Variants in TRAPPC9 observed in about 807,000 individuals in gnomAD.
The protein encoded by TRAPPC9 is IKK2 binding protein.
Under a neutral mutation model 124.0 loss-of-function variants are expected in TRAPPC9, and 83 were observed. That is an observed-to-expected ratio of 0.67 (90% CI 0.56 to 0.80). TRAPPC9 has a LOEUF of 0.80. Among genes scored for constraint, TRAPPC9 ranks in the 30% least tolerant of loss-of-function variants. The pLI, the probability that TRAPPC9 is intolerant of heterozygous loss-of-function variation, is 0.00. For missense variants in TRAPPC9, 1,302 were observed against 1,508.3 expected, an observed-to-expected ratio of 0.86 and a Z score of 2.27; for synonymous variants, 638 against 617.5, an observed-to-expected ratio of 1.03 and a Z score of -0.49.
At chr8:140,290,076 G>A (rs1042955938) in intron 12 of TRAPPC9, among the ~76,000 whole-genome samples, 1 of 152,064 alleles carries the variant, frequency 6.6e-6, no homozygotes, top group Admixed American at 6.6e-5. Flanking sequence ...GCAGACTCCC[G>A]TCCACAACAG....
chr8:139,792,416 G>A (rs751107488), intron 21 of TRAPPC9, among the ~76,000 whole-genome samples: 4 of 152,212 alleles, frequency 2.6e-5, no homozygotes, highest in Non-Finnish European at 5.9e-5. Flanking sequence ...GCGTGTGCGC[G>A]TGTGTGCGTG....
At chr8:140,314,584 T>G (rs1008606853) in intron 9 of TRAPPC9, among the ~76,000 whole-genome samples, 1 of 152,150 alleles carries the variant, frequency 6.6e-6, no homozygotes, top group Non-Finnish European at 1.5e-5. Flanking sequence ...CTGTCCATCC[T>G]CTCCCCATCT....
At chr8:139,747,607 A>G (rs1376707807) in intron 21 of TRAPPC9, among the ~76,000 whole-genome samples, 2 of 19,354 alleles carry the variant, frequency 1.0e-4, no homozygotes, top group Admixed American at 7.0e-4. Flanking sequence ...GCAGGTGGGG[A>G]GGTGTGCAGG....
intron 16 of TRAPPC9, among the ~76,000 whole-genome samples, chr8:140,251,646 C>A (rs1434306448): frequency 6.6e-6 from 1 of 152,170 alleles, no homozygotes; most frequent in Non-Finnish European, 1.5e-5. Context: ...GAAGGCCTAT[C>A]CCCCAGTGGG....
At position 139,910,405 on chromosome 8, in the gene TRAPPC9, T is replaced by G. The variant is rs1001210603; in HGVS notation, c.2811-105A>C. ...AGCGTGAGACACTATAATGAATCAT[T>G]ATCGTTAGTAATTCATAACGGATTC... On this transcript the variant is annotated intron_variant, in intron 19 of 22. Transcript: ENST00000438773. 3 of 1,152,694 alleles carry G rather than the reference T, an allele frequency of 2.6e-6. No homozygotes were observed. The African/African-American group carries it at 4.6e-5, about 18-fold the overall frequency. The allele number at this position is 1,152,694 out of a possible 1,614,324, so 71.4% of individuals were successfully genotyped here.
rs143635851 is a variant in TRAPPC9 at position 140,063,303 on chromosome 8, C to T, written c.2557-39224G>A. On this transcript the variant is annotated intron_variant, in intron 17 of 22. Coordinates refer to ENST00000438773, the MANE Select transcript of TRAPPC9 (RefSeq NM_001160372.4). The surrounding 1 kb of genome is among the most constrained non-coding windows in gnomAD (Gnocchi z 4.3). ...TTTTCAGTTACTCCTCTTTGGCCCA[C>T]GTGGCCTTCCGCTTCCTGTGCTCTC... 0.014 allele frequency among the ~76,000 whole-genome samples: 2,070 copies of T among 152,334 alleles called. 19 individuals are homozygous for T. The highest frequency in any genetic ancestry group is 0.02 in the Non-Finnish European group (1,345 of 68,038).
At chr8:140,055,329 C>T (rs1161191368) in intron 17 of TRAPPC9, among the ~76,000 whole-genome samples, 3 of 152,116 alleles carry the variant, frequency 2.0e-5, no homozygotes, top group Non-Finnish European at 4.4e-5. Flanking sequence ...CCTTTCATAA[C>T]AAAAACTCTC....
chr8:140,359,935 TG>T, intron 9 of TRAPPC9, 114 bp downstream of exon 9: 2 of 1,448,244 alleles, frequency 1.4e-6, no homozygotes, highest in Non-Finnish European at 1.9e-6. Context: ...GACGAAGAGC[TG>T]GGCAGCATCT....
Position 139,737,466 on chromosome 8 carries a change from T to TCC in TRAPPC9, c.3056-5266_3056-5265dup, listed in dbSNP as rs35297460. The stretch of plus-strand genomic sequence containing the variant: ...GCCTTCAGGCGGGGGTCATCAGCCC[T>TCC]CCCCCCCCCCCCACGGAAAACCCTG... On this transcript the variant is annotated intron_variant, in intron 21 of 22. Transcript: ENST00000438773. 7.3e-3 allele frequency among the ~76,000 whole-genome samples: 302 copies of TCC among 41,312 alleles called. 31 individuals carry two copies. The highest frequency in any genetic ancestry group is 0.021 in the African/African-American group (266 of 12,924). 27.1% of individuals were successfully genotyped at this position (41,312 alleles called of 152,430 possible). A position where few individuals can be genotyped will look rare whatever the true frequency, so the allele number is the denominator to read the frequency against.
intron 17 of TRAPPC9, among the ~76,000 whole-genome samples, chr8:140,065,927 TA>T (rs1842877425): frequency 6.6e-6 from 1 of 152,176 alleles, no homozygotes; most frequent in Non-Finnish European, 1.5e-5. Flanking sequence ...ATGTATTCTT[TA>T]AAAAATGCAT....
chr8:140,252,984 C>T lies in TRAPPC9; in HGVS notation c.2279-55G>A. On this transcript the variant is annotated intron_variant, in intron 15 of 22. Coordinates refer to ENST00000438773, the MANE Select transcript of TRAPPC9 (RefSeq NM_001160372.4). The surrounding 1 kb of genome is among the most constrained non-coding windows in gnomAD (Gnocchi z 4.2). Reference sequence around the variant, plus strand: ...ATGCTGTAACTGAGGCAGTATGGGACTTACCAATCCCCTAGAAAATTCTGA... The same window carrying T: ...ATGCTGTAACTGAGGCAGTATGGGATTTACCAATCCCCTAGAAAATTCTGA... 3 of 1,564,536 alleles carry T rather than the reference C, an allele frequency of 1.9e-6. No individual in the cohort carries two copies. Among genetic ancestry groups the T allele is most frequent in the Admixed American group, 1.7e-5 (1 of 59,232 alleles).
At chr8:140,289,174 A>AGT (rs71320349) in intron 12 of TRAPPC9, among the ~76,000 whole-genome samples, 10,495 of 148,252 alleles carry the variant, frequency 0.071, 459 homozygotes, top group Non-Finnish European at 0.099. Context: ...ATATATATAT[A>AGT]GTGTGTGTGT....
rs113405702 is a variant in TRAPPC9, at chr8:140,210,388, C to A, written c.2556+11071G>T. Among the ~76,000 whole-genome samples, 328 of 152,324 alleles carry A rather than the reference C, an allele frequency of 2.2e-3. 5 individuals are homozygous for A. The South Asian group carries it at 0.022, about 10-fold the overall frequency. ...GGCGCAGGGCCCAGCACCAAGTGAG[C>A]ATCGGAAAATGCTGGACAGGACACT... On this transcript the variant is annotated intron_variant, in intron 17 of 22. Coordinates refer to ENST00000438773, the MANE Select transcript of TRAPPC9 (RefSeq NM_001160372.4).
chr8:140,110,255 C>A (rs186195238), intron 17 of TRAPPC9, among the ~76,000 whole-genome samples: 11 of 134,824 alleles, frequency 8.2e-5, no homozygotes. Flanking sequence ...GCAGCTCCCC[C>A]CTGCACCCCC....
In TRAPPC9 at chr8:140,075,558, C is replaced by T. The variant is rs1815899267; in HGVS notation, c.2557-51479G>A. Among the ~76,000 whole-genome samples, 5 of 152,196 alleles carry T rather than the reference C, an allele frequency of 3.3e-5. No individual in the cohort carries two copies. The South Asian group carries it at 1.0e-3, about 31-fold the overall frequency. On this transcript the variant is annotated intron_variant, in intron 17 of 22. Coordinates refer to ENST00000438773, the MANE Select transcript of TRAPPC9 (RefSeq NM_001160372.4). Reference sequence around the variant, plus strand: ...AGCACCATGGAACTGCCTTCGCTGCCGCCATATAAGTAGCTAGCCAGTGTC... The same window carrying T: ...AGCACCATGGAACTGCCTTCGCTGCTGCCATATAAGTAGCTAGCCAGTGTC...
chr8:140,157,099 GC>G (rs1252284331), intron 17 of TRAPPC9, among the ~76,000 whole-genome samples: 1 of 112,786 alleles, frequency 8.9e-6, no homozygotes, highest in South Asian at 3.4e-4. Flanking sequence ...CCATTCAGAA[GC>G]CTCCCTTTCC....
chr8:140,044,704 A>T (rs887226171), intron 17 of TRAPPC9, among the ~76,000 whole-genome samples: 1 of 152,236 alleles, frequency 6.6e-6, no homozygotes, highest in Non-Finnish European at 1.5e-5. Flanking sequence ...CTTTCAGAAG[A>T]TTACAGCTTC....
In TRAPPC9 at chr8:140,136,658, T is replaced by G. The variant is rs552612070; in HGVS notation, c.2556+84801A>C. 2.8e-4 allele frequency among the ~76,000 whole-genome samples: 42 copies of G among 152,192 alleles called. No homozygotes were observed. The South Asian group carries it at 8.5e-3, about 31-fold the overall frequency. ...TTCAAGACCAGCCTGGCCAATACGG[T>G]GAAACCTTATCTCTACTAAAAATAC... On this transcript the variant is annotated intron_variant, in intron 17 of 22. Coordinates refer to ENST00000438773, the MANE Select transcript of TRAPPC9 (RefSeq NM_001160372.4).
At chr8:139,942,856 G>A (rs1409428527) in intron 19 of TRAPPC9, among the ~76,000 whole-genome samples, 1 of 152,076 alleles carries the variant, frequency 6.6e-6, no homozygotes, top group African/African-American at 2.4e-5. Flanking sequence ...AAAGTCTGAA[G>A]ACAGAGTTTG....
Sources: allele counts gnomAD v4.1 joint callset (sites outside exome capture counted in the v4.1 genomes callset), GRCh38; gene constraint gnomAD v4.1.1; non-coding constraint Gnocchi (gnomAD v3.1); transcripts MANE v1.5; gene names NCBI Gene and HGNC (gene_info 2026-07-23, HGNC 2026-07-21).